ADARB2: variants seen among roughly 807,000 people sequenced by gnomAD.
The protein encoded by ADARB2 is inactive double-stranded RNA-specific editase B2.
In ADARB2, 25 loss-of-function variants were observed where a neutral mutation model predicts 62.2. The observed-to-expected ratio is 0.40, with a 90% CI of 0.29 to 0.56. The LOEUF (loss-of-function observed/expected upper bound fraction) is 0.56, where lower values mean the gene tolerates loss of function less well. ADARB2 is among the 20% of genes least tolerant of loss of function. ADARB2 has a pLI of 0.43. For missense variants in ADARB2, 1,071 were observed against 1,077.4 expected, an observed-to-expected ratio of 0.99 and a Z score of 0.08; for synonymous variants, 572 against 500.8, an observed-to-expected ratio of 1.14 and a Z score of -1.90.
chr10:1,510,092 TCTC>T (rs1402202324), intron 1 of ADARB2, among the ~76,000 whole-genome samples: 3 of 144,542 alleles, frequency 2.1e-5, no homozygotes, highest in Non-Finnish European at 3.0e-5. Context: ...TCTCTCTCTC[TCTC>T]TTTTCTTTCT....
At chr10:1,724,210 T>A (rs948205837) in intron 1 of ADARB2, among the ~76,000 whole-genome samples, 5 of 152,188 alleles carry the variant, frequency 3.3e-5, no homozygotes, top group African/African-American at 1.2e-4. Flanking sequence ...TGCCTGTGTG[T>A]CCTCAGGACT....
At chr10:1,309,726 T>A (rs1307383394) in intron 3 of ADARB2, among the ~76,000 whole-genome samples, 4 of 152,226 alleles carry the variant, frequency 2.6e-5, no homozygotes, top group Non-Finnish European at 4.4e-5. Context: ...CTGGTGGGGC[T>A]GGAGAAGTCA....
chr10:1,426,971 G>A lies in ADARB2; in HGVS notation c.101-47811C>T, dbSNP rs145494111. Among the ~76,000 whole-genome samples, 10 of 152,380 alleles carry A rather than the reference G, an allele frequency of 6.6e-5. No individual in the cohort carries two copies. Among genetic ancestry groups the A allele is most frequent in the East Asian group, 1.9e-4 (1 of 5,182 alleles). On this transcript the variant is annotated intron_variant, in intron 1 of 9. Transcript: ENST00000381312. The surrounding 1 kb of genome is among the most constrained non-coding windows in gnomAD (Gnocchi z 4.1). Reference sequence around the variant, plus strand: ...GGAAGAGGCCACAGAGCTATGTGTCGGCCCCACGCTTGGGCAGACCACTGC... The same window carrying A: ...GGAAGAGGCCACAGAGCTATGTGTCAGCCCCACGCTTGGGCAGACCACTGC...
chr10:1,240,467 C>T (rs3793739), intron 5 of ADARB2: 2 of 152,276 alleles, frequency 1.3e-5, no homozygotes, highest in Non-Finnish European at 1.5e-5. Context: ...ATCACACAGG[C>T]AACAGAACAG....
intron 1 of ADARB2, among the ~76,000 whole-genome samples, chr10:1,422,297 A>G (rs1293365968): frequency 1.3e-5 from 2 of 152,254 alleles, no homozygotes; most frequent in Non-Finnish European, 2.9e-5. Flanking sequence ...AGGAGTTTTC[A>G]GTGCTCTGAT....
At chr10:1,195,714 G>A (rs1836901559) in intron 8 of ADARB2, among the ~76,000 whole-genome samples, 1 of 152,118 alleles carries the variant, frequency 6.6e-6, no homozygotes, top group South Asian at 2.1e-4. Flanking sequence ...GGTGCTCTTA[G>A]CCCGAGGCTT....
intron 7 of ADARB2, among the ~76,000 whole-genome samples, chr10:1,201,201 G>C (rs568957826): frequency 4.4e-4 from 67 of 152,330 alleles, no homozygotes; most frequent in African/African-American, 1.6e-3. Flanking sequence ...TTAATCTCAT[G>C]CAAGAAAAGG....
chr10:1,582,052 CCTT>C (rs1308801465), intron 1 of ADARB2, among the ~76,000 whole-genome samples: 1 of 152,186 alleles, frequency 6.6e-6, no homozygotes, highest in Non-Finnish European at 1.5e-5. Flanking sequence ...TCCGAGCAGA[CCTT>C]CTTAATCTAA....
chr10:1,253,035 A>G (rs1831049943), intron 4 of ADARB2, among the ~76,000 whole-genome samples: 1 of 152,250 alleles, frequency 6.6e-6, no homozygotes, highest in Non-Finnish European at 1.5e-5. Flanking sequence ...AGAGTTTAAC[A>G]GGCTCTAGGG....
At position 1,477,895 on chromosome 10, in the gene ADARB2, T is replaced by G. The variant is rs868144011; in HGVS notation, c.101-98735A>C. ...ACAGGTGCACTGGGAGGTTCCCTCC[T>G]GCCCTGACATGCATCCCAGGGAAGA... On this transcript the variant is annotated intron_variant, in intron 1 of 9. Coordinates refer to ENST00000381312, the MANE Select transcript of ADARB2 (RefSeq NM_018702.4). The surrounding 1 kb of genome is among the most constrained non-coding windows in gnomAD (Gnocchi z 4.5). Among the ~76,000 whole-genome samples the G allele has an allele frequency of 2.6e-5, 4 of 152,368 alleles. No individual in the cohort carries two copies. The highest frequency in any genetic ancestry group is 2.1e-4 in the South Asian group (1 of 4,830).
chr10:1,450,703 TGAGTGGC>T (rs1299369185), intron 1 of ADARB2, among the ~76,000 whole-genome samples: 1 of 152,024 alleles, frequency 6.6e-6, no homozygotes, highest in African/African-American at 2.4e-5. Context: ...GGAACATGGG[TGAGTGGC>T]GAGGAAGGGA....
At chr10:1,640,667 C>T (rs1243682124) in intron 1 of ADARB2, among the ~76,000 whole-genome samples, 2 of 152,176 alleles carry the variant, frequency 1.3e-5, no homozygotes, top group African/African-American at 4.8e-5. Flanking sequence ...CACACACAGA[C>T]ACAAAAACAT....
chr10:1,673,970 C>T (rs1588347618), intron 1 of ADARB2, among the ~76,000 whole-genome samples: 1 of 152,252 alleles, frequency 6.6e-6, no homozygotes, highest in Non-Finnish European at 1.5e-5. Flanking sequence ...GAACAGCCAA[C>T]ATAAATGTGT....
chr10:1,242,833 T>G (rs1350964768), intron 4 of ADARB2, among the ~76,000 whole-genome samples: 5 of 152,192 alleles, frequency 3.3e-5, no homozygotes, highest in African/African-American at 1.2e-4. Context: ...ATGTGTCATT[T>G]TAACCATAGT....
In ADARB2 at chr10:1,351,106, C is replaced by T. The variant is rs568373526; in HGVS notation, c.1077+11922G>A. 6.5e-4 allele frequency among the ~76,000 whole-genome samples: 99 copies of T among 152,244 alleles called. 1 individual carries two copies. The highest frequency in any genetic ancestry group is 2.6e-3 in the Admixed American group (39 of 15,292). On this transcript the variant is annotated intron_variant, in intron 3 of 9. Coordinates refer to ENST00000381312, the MANE Select transcript of ADARB2 (RefSeq NM_018702.4). ...AGCCGTGTCCCATCTGTGCAGGACC[C>T]CACTGAAAATCAGACTGTTCAACTC...
At chr10:1,394,898 T>C (rs1832598447) in intron 1 of ADARB2, 1 of 456,808 alleles carries the variant, frequency 2.2e-6, no homozygotes, top group Non-Finnish European at 4.4e-6. Context: ...CTTTTCTTCC[T>C]CCCTCCTCCT....
chr10:1,488,221 CA>C (rs573554204), intron 1 of ADARB2, among the ~76,000 whole-genome samples: 2 of 130,398 alleles, frequency 1.5e-5, no homozygotes, highest in African/African-American at 5.3e-5. Context: ...TCAGATTTGG[CA>C]AAGAAAAAAA....
intron 1 of ADARB2, among the ~76,000 whole-genome samples, chr10:1,499,620 C>T (rs1012150097): frequency 4.6e-5 from 7 of 151,586 alleles, no homozygotes; most frequent in Non-Finnish European, 1.0e-4. Context: ...ACTCATCATT[C>T]ACCACTCACC....
intron 3 of ADARB2, among the ~76,000 whole-genome samples, chr10:1,307,515 A>T (rs1383531616): frequency 7.0e-6 from 1 of 142,194 alleles, no homozygotes; most frequent in East Asian, 2.4e-4. Flanking sequence ...TGTGGAAGTC[A>T]GTGTGGTCAT....
Sources: gnomAD v4.1 joint callset for allele counts (sites outside exome capture counted in the v4.1 genomes callset) on GRCh38, gnomAD v4.1.1 for gene constraint, Gnocchi (gnomAD v3.1) non-coding constraint, MANE v1.5 for transcripts, NCBI Gene and HGNC (gene_info 2026-07-23, HGNC 2026-07-21) for gene names.